LEF1: variants seen among roughly 807,000 people sequenced by gnomAD.
LEF1 encodes the protein lymphoid enhancer-binding factor 1.
In LEF1, 14 loss-of-function variants were observed where a neutral mutation model predicts 51.2. That is an observed-to-expected ratio of 0.27 (90% CI 0.18 to 0.43). The LOEUF is 0.43. LEF1 is among the 20% of genes least tolerant of loss of function. The pLI is 1.00. For missense variants in LEF1, 386 were observed against 512.0 expected, an observed-to-expected ratio of 0.75 and a Z score of 2.37; for synonymous variants, 185 against 183.2, an observed-to-expected ratio of 1.01 and a Z score of -0.08.
intron 3 of LEF1, among the ~76,000 whole-genome samples, chr4:108,122,622 C>T (rs566943859): frequency 1.8e-3 from 269 of 152,186 alleles, no homozygotes; most frequent in African/African-American, 6.1e-3. Context: ...GGACTACAAG[C>T]GTGCACCACC....
chr4:108,063,939 G>C (rs142070106), intron 10 of LEF1, among the ~76,000 whole-genome samples: 1 of 152,244 alleles, frequency 6.6e-6, no homozygotes, highest in East Asian at 1.9e-4. Flanking sequence ...TCACAAAAGA[G>C]ATTCTCAAGG....
chr4:108,124,953 G>A (rs548033210), intron 3 of LEF1, among the ~76,000 whole-genome samples: 1 of 152,068 alleles, frequency 6.6e-6, no homozygotes, highest in African/African-American at 2.4e-5. Context: ...CATTATTCTT[G>A]ACTGGTTATA....
chr4:108,141,683 G>A (rs1256114932), intron 3 of LEF1, among the ~76,000 whole-genome samples: 3 of 152,126 alleles, frequency 2.0e-5, no homozygotes, highest in African/African-American at 7.2e-5. Flanking sequence ...TGTGCGCCCT[G>A]GGAATATGGA....
intron 3 of LEF1, among the ~76,000 whole-genome samples, chr4:108,102,086 A>T (rs2110295859): frequency 6.6e-6 from 1 of 151,124 alleles, no homozygotes; most frequent in Middle Eastern, 3.5e-3. Flanking sequence ...AAAAGAAAGG[A>T]CGGACTTATT....
intron 11 of LEF1, among the ~76,000 whole-genome samples, chr4:108,063,408 G>A (rs919943093): frequency 1.3e-5 from 2 of 152,204 alleles, no homozygotes; most frequent in African/African-American, 4.8e-5. Context: ...ATGTGCCAAA[G>A]AGGATAGAAG....
At chr4:108,165,911 G>A (rs533120169) in intron 1 of LEF1, among the ~76,000 whole-genome samples, 6 of 152,286 alleles carry the variant, frequency 3.9e-5, no homozygotes, top group African/African-American at 1.4e-4. Context: ...CTTAACACCC[G>A]AGTGCTCTCG....
At chr4:108,166,750 C>A (rs1745423675) in intron 1 of LEF1, 1 of 988,596 alleles carries the variant, frequency 1.0e-6, no homozygotes, top group Admixed American at 6.0e-5. Context: ...CTCCGCCTTT[C>A]TTCTGCGTAG....
intron 3 of LEF1, among the ~76,000 whole-genome samples, chr4:108,141,379 T>TCC: frequency 6.7e-6 from 1 of 149,836 alleles, no homozygotes; most frequent in East Asian, 2.0e-4. Context: ...TCATTGTGCC[T>TCC]CCCCCCCCGC....
intron 3 of LEF1, among the ~76,000 whole-genome samples, chr4:108,131,186 G>A (rs1742866159): frequency 6.6e-6 from 1 of 152,028 alleles, no homozygotes; most frequent in South Asian, 2.1e-4. Flanking sequence ...TGTAATCCCA[G>A]TGCTCTGGAA....
chr4:108,167,567 G>T lies in LEF1; in HGVS notation c.201C>A (p.Ser67Arg). 1 of 1,614,136 alleles carries T rather than the reference G, an allele frequency of 6.2e-7. No homozygotes were observed. Among genetic ancestry groups the T allele is most frequent in the South Asian group, 1.1e-5 (1 of 91,070 alleles). ...LVNESEIIPA[S>R]NGHEVARQAQ... is the part of the protein sequence containing the mutation. ...GCGGCCCGCTCACCTCGTGTCCGTT[G>T]CTGGCCGGGATGATTTCAGACTCGT... The change falls in exon 1 of 12, where the codon AGC becomes AGA. Residue 67 changes from serine to arginine, a missense_variant. Ser to Arg is a moderately radical substitution (Grantham distance 110). Transcript: ENST00000265165. The surrounding 1 kb of genome is among the most constrained non-coding windows in gnomAD (Gnocchi z 5.7).
intron 9 of LEF1, among the ~76,000 whole-genome samples, chr4:108,069,200 T>C (rs138013680): frequency 6.6e-6 from 1 of 152,318 alleles, no homozygotes; most frequent in Non-Finnish European, 1.5e-5. Flanking sequence ...TGCCTGCACC[T>C]TAATCCTGGA....
At position 108,144,224 on chromosome 4, in the gene LEF1, A is replaced by G. The variant is rs535003081; in HGVS notation, c.414+19344T>C. On this transcript the variant is annotated intron_variant, in intron 3 of 11. Transcript: ENST00000265165. ...TGCTTTCCTTTGATAAACCATTCCA[A>G]TGTTTATTAATCTCTCCCTCTGAAG... 7.2e-5 allele frequency among the ~76,000 whole-genome samples: 11 copies of G among 152,292 alleles called. No homozygotes were observed. The South Asian group carries it at 1.5e-3, about 20-fold the overall frequency.
At chr4:108,061,163 G>A (rs889628089) in intron 11 of LEF1, among the ~76,000 whole-genome samples, 2 of 152,142 alleles carry the variant, frequency 1.3e-5, no homozygotes, top group African/African-American at 4.8e-5. Flanking sequence ...CTGATTACAG[G>A]AAGCTCAACC....
rs141996490 is a variant in LEF1 at position 108,118,998 on chromosome 4, ATACCGCACAG to A, written c.415-29751_415-29742del. ...CATCATGCATCCTTGTGAGGGAACT[ATACCGCACAG>A]TACATGATTTGTGATGAAATACAGT... On this transcript the variant is annotated intron_variant, in intron 3 of 11. Coordinates refer to ENST00000265165, the MANE Select transcript of LEF1 (RefSeq NM_016269.5). 1.8e-3 allele frequency among the ~76,000 whole-genome samples: 274 copies of A among 151,886 alleles called. 11 individuals carry two copies. In the East Asian group the frequency reaches 0.05, roughly 27 times the overall value.
chr4:108,062,539 C>G (rs1374758555), intron 11 of LEF1, among the ~76,000 whole-genome samples: 1 of 152,096 alleles, frequency 6.6e-6, no homozygotes, highest in Non-Finnish European at 1.5e-5. Context: ...CTGGGCAGAC[C>G]CACACACTCA....
chr4:108,053,310 GAGAAAAA>G (rs982469255), intron 11 of LEF1, among the ~76,000 whole-genome samples: 3 of 152,084 alleles, frequency 2.0e-5, no homozygotes, highest in African/African-American at 7.2e-5. Flanking sequence ...CCCAACATTT[GAGAAAAA>G]AGAAAAATGA....
chr4:108,113,049 T>A (rs1475067857), intron 3 of LEF1, among the ~76,000 whole-genome samples: 1 of 152,202 alleles, frequency 6.6e-6, no homozygotes, highest in Non-Finnish European at 1.5e-5. Context: ...ATCTCTGAGC[T>A]GTGGAATGCT....
rs1386345856 is a variant in LEF1 at position 108,168,140 on chromosome 4, C to G, written c.-373G>C. On this transcript the variant is annotated 5_prime_UTR_variant, in exon 1 of 12. Coordinates refer to ENST00000265165, the MANE Select transcript of LEF1 (RefSeq NM_016269.5). This position sits in a 1 kb window ranked among gnomAD's most constrained non-coding sequence, Gnocchi z 4.6. ...CGCGACCCCGCGTCGCCGGGATTTG[C>G]GCGCGGAGAACGCCGGTTCTGGAGG... 6.6e-6 allele frequency: 1 copy of G among 152,512 alleles called. No homozygotes were observed. Among genetic ancestry groups the G allele is most frequent in the Admixed American group, 6.5e-5 (1 of 15,308 alleles). 9.4% of individuals were successfully genotyped at this position (152,512 alleles called of 1,614,324 possible). A position where few individuals can be genotyped will look rare whatever the true frequency, so the allele number is the denominator to read the frequency against.
intron 1 of LEF1, 83 bp from the exon 2 acceptor site, chr4:108,165,246 G>A: frequency 1.5e-6 from 2 of 1,320,582 alleles, no homozygotes; most frequent in East Asian, 2.3e-5. Flanking sequence ...TGTGTGCGCT[G>A]GTAATTCAAA....
Sources: allele counts gnomAD v4.1 joint callset (sites outside exome capture counted in the v4.1 genomes callset), GRCh38; gene constraint gnomAD v4.1.1; non-coding constraint Gnocchi (gnomAD v3.1); transcripts MANE v1.5; gene names NCBI Gene and HGNC (gene_info 2026-07-23, HGNC 2026-07-21).